The following STAC variants were observed in gnomAD, a reference collection of about 807,000 sequenced individuals.
STAC encodes SH3 and cysteine rich domain.
In STAC, 43 loss-of-function variants were observed where a neutral mutation model predicts 48.8. That is an observed-to-expected ratio of 0.88 (90% confidence interval 0.69 to 1.14). The LOEUF (loss-of-function observed/expected upper bound fraction) is 1.14, where lower values mean the gene tolerates loss of function less well. Among genes scored for constraint, STAC ranks in the 50% most tolerant of loss-of-function variants. The pLI is 0.00. For missense variants in STAC, 497 were observed against 504.0 expected (o/e 0.99, Z 0.13); for synonymous variants, 193 against 179.5 (o/e 1.07, Z -0.60).
intron 2 of STAC, among the ~76,000 whole-genome samples, chr3:36,475,573 A>G (rs1177685723): frequency 6.6e-6 from 1 of 152,248 alleles, no homozygotes; most frequent in African/African-American, 2.4e-5. Flanking sequence ...AAAAGCAGTA[A>G]CAGAAATCTG....
intron 1 of STAC, among the ~76,000 whole-genome samples, chr3:36,390,474 T>G (rs34729017): frequency 1.9e-4 from 21 of 110,362 alleles, no homozygotes; most frequent in Non-Finnish European, 3.7e-4. Flanking sequence ...TTTTTTTTTG[T>G]CCTTTGGTCT....
At chr3:36,398,129 G>A (rs7617520) in intron 1 of STAC, among the ~76,000 whole-genome samples, 3,551 of 152,006 alleles carry the variant, frequency 0.023, 61 homozygotes, top group East Asian at 0.026. Flanking sequence ...CTCTGAGCCC[G>A]TGCATCTGGT....
intron 2 of STAC, among the ~76,000 whole-genome samples, chr3:36,460,247 TTAAAAAAAATAGCTG>T (rs1213590372): frequency 2.6e-5 from 4 of 151,958 alleles, no homozygotes; most frequent in Non-Finnish European, 5.9e-5. Context: ...TCCTCAGCTA[TTAAAAAAAATAGCTG>T]AAAACAACTT....
intron 1 of STAC, among the ~76,000 whole-genome samples, chr3:36,434,431 G>A (rs1230795393): frequency 6.6e-6 from 1 of 152,222 alleles, no homozygotes; most frequent in Non-Finnish European, 1.5e-5. Flanking sequence ...TAGACCACAT[G>A]TGAGTAGCAA....
intron 1 of STAC, among the ~76,000 whole-genome samples, chr3:36,387,131 T>G (rs1473375873): frequency 6.6e-6 from 1 of 152,130 alleles, no homozygotes; most frequent in African/African-American, 2.4e-5. Context: ...GATCCATGAA[T>G]AAGAATTCCA....
chr3:36,483,376 T>C (rs116512548), intron 3 of STAC, among the ~76,000 whole-genome samples: 2,593 of 152,290 alleles, frequency 0.017, 23 homozygotes, highest in Non-Finnish European at 0.021. Flanking sequence ...AAGTCCCACA[T>C]CCTGGGTCTG....
intron 8 of STAC, among the ~76,000 whole-genome samples, chr3:36,515,699 T>C (rs542512329): frequency 7.2e-5 from 11 of 152,272 alleles, no homozygotes; most frequent in African/African-American, 2.6e-4. Context: ...GCAGTCAGAT[T>C]TGTCTCAGGT....
At chr3:36,448,087 T>G (rs546128027) in intron 2 of STAC, among the ~76,000 whole-genome samples, 79 of 152,334 alleles carry the variant, frequency 5.2e-4, no homozygotes, top group African/African-American at 1.9e-3. Context: ...GTCCAACAGA[T>G]GCAAATAGTT....
chr3:36,541,172 A>AG (rs1333819612), intron 10 of STAC, among the ~76,000 whole-genome samples: 3 of 151,396 alleles, frequency 2.0e-5, no homozygotes, highest in African/African-American at 4.9e-5. Context: ...CTCTTTTAAT[A>AG]GGGGGGAAGA....
At chr3:36,433,915 G>T (rs1355831838) in intron 1 of STAC, among the ~76,000 whole-genome samples, 3 of 152,186 alleles carry the variant, frequency 2.0e-5, no homozygotes, top group East Asian at 1.9e-4. Flanking sequence ...GATGTAAGAA[G>T]AATATTTCAA....
intron 2 of STAC, among the ~76,000 whole-genome samples, chr3:36,444,342 T>C (rs1414270686): frequency 6.6e-6 from 1 of 152,232 alleles, no homozygotes; most frequent in African/African-American, 2.4e-5. Flanking sequence ...TTTAAAGTGC[T>C]GAAAAGTTTA....
At chr3:36,476,151 C>T (rs576848614) in intron 2 of STAC, among the ~76,000 whole-genome samples, 1 of 152,330 alleles carries the variant, frequency 6.6e-6, no homozygotes, top group Admixed American at 6.5e-5. Flanking sequence ...CCTGGGTAGG[C>T]TAATCTTTCC....
intron 1 of STAC, among the ~76,000 whole-genome samples, chr3:36,408,615 C>T (rs1483337161): frequency 6.7e-6 from 1 of 150,158 alleles, no homozygotes; most frequent in African/African-American, 2.4e-5. Context: ...AAAAGGTTTT[C>T]TAGACTGATT....
chr3:36,484,115 T>C (rs1180870753), intron 3 of STAC, among the ~76,000 whole-genome samples: 1 of 152,162 alleles, frequency 6.6e-6, no homozygotes, highest in East Asian at 1.9e-4. Context: ...GAAGAGTAAC[T>C]CCATTGTCCT....
At chr3:36,536,134 C>T (rs569885261) in intron 10 of STAC, among the ~76,000 whole-genome samples, 5 of 152,146 alleles carry the variant, frequency 3.3e-5, no homozygotes, top group South Asian at 2.1e-4. Flanking sequence ...TTGTTACTGC[C>T]TCAATTTCAG....
intron 1 of STAC, 121 bp downstream of exon 1, chr3:36,380,875 G>A: frequency 1.8e-6 from 1 of 568,404 alleles, no homozygotes. Context: ...GTTAGCCCAG[G>A]GCTGTAGGAC....
chr3:36,445,526 A>G (rs1696484274), intron 2 of STAC, among the ~76,000 whole-genome samples: 1 of 152,174 alleles, frequency 6.6e-6, no homozygotes, highest in South Asian at 2.1e-4. Context: ...AAAGAAATGG[A>G]GATGAAGTAG....
Position 36,443,612 on chromosome 3 carries a change from C to T in STAC, c.360C>T (p.Phe120=), listed in dbSNP as rs62246671. ...FQEYIFKKPT[F]CDVCNHMIVG... ...AATACATCTTCAAGAAGCCCACTTT[C>T]TGTGATGTCTGCAACCACATGATAG... is the stretch of plus-strand genomic sequence containing the variant. Residue 120 remains phenylalanine, a synonymous_variant, in exon 2 of 11, where the codon TTC becomes TTT. Coordinates refer to ENST00000273183, the MANE Select transcript of STAC (RefSeq NM_003149.3). The surrounding 1 kb of genome is among the most constrained non-coding windows in gnomAD (Gnocchi z 4.2). 5.6e-6 allele frequency: 9 copies of T among 1,613,110 alleles called. 2 individuals carry two copies. In the Admixed American group the frequency reaches 1.5e-4, roughly 27 times the overall value.
intron 1 of STAC, among the ~76,000 whole-genome samples, chr3:36,441,782 T>G (rs1696357951): frequency 6.6e-6 from 1 of 152,232 alleles, no homozygotes; most frequent in African/African-American, 2.4e-5. Context: ...CCATTGTAAC[T>G]GGAGTGAGAT....
Sources: allele counts gnomAD v4.1 joint callset (sites outside exome capture counted in the v4.1 genomes callset), GRCh38; gene constraint gnomAD v4.1.1; non-coding constraint Gnocchi (gnomAD v3.1); transcripts MANE v1.5; gene names NCBI Gene and HGNC (gene_info 2026-07-23, HGNC 2026-07-21).